The following AVEN variants were observed in gnomAD, a reference collection of about 807,000 sequenced individuals.
The protein encoded by AVEN is cell death regulator Aven.
In AVEN, 41 loss-of-function variants were observed where a neutral mutation model predicts 38.1. The ratio of observed to expected loss-of-function variants is 1.08; its 90% CI spans 0.84 to 1.40. AVEN has a LOEUF of 1.40. Ranked by LOEUF, AVEN falls within the 40% of genes most tolerant of loss-of-function variation. The pLI is 0.00. For missense variants in AVEN, 605 were observed against 438.8 expected (o/e 1.38, Z -3.38); for synonymous variants, 206 against 171.8 (o/e 1.20, Z -1.56).
intron 5 of AVEN, among the ~76,000 whole-genome samples, 187 bp downstream of exon 5, chr15:33,867,308 A>G (rs751418468): frequency 5.9e-5 from 9 of 152,010 alleles, no homozygotes; most frequent in Non-Finnish European, 1.3e-4. Flanking sequence ...GTGTCGCGTG[A>G]GAGGAAGGTT....
At chr15:34,030,788 TTTG>T (rs1299067842) in intron 1 of AVEN, among the ~76,000 whole-genome samples, 1 of 151,972 alleles carries the variant, frequency 6.6e-6, no homozygotes, top group African/African-American at 2.4e-5. Flanking sequence ...GGCTAAATTT[TTTG>T]TTGTTGTTGT....
chr15:34,005,332 T>C (rs1293100688), intron 1 of AVEN, among the ~76,000 whole-genome samples: 1 of 152,232 alleles, frequency 6.6e-6, no homozygotes, highest in African/African-American at 2.4e-5. Context: ...TGTTTATTCC[T>C]TAAGTCTCTT....
intron 1 of AVEN, among the ~76,000 whole-genome samples, chr15:34,013,848 C>T (rs1034999755): frequency 6.6e-6 from 1 of 152,044 alleles, no homozygotes; most frequent in Non-Finnish European, 1.5e-5. Context: ...GACCCATGAG[C>T]GAGAAACAGT....
chr15:33,934,521 C>T (rs532102716), intron 2 of AVEN, among the ~76,000 whole-genome samples: 60 of 152,242 alleles, frequency 3.9e-4, no homozygotes, highest in African/African-American at 1.4e-3. Flanking sequence ...TCTATCTCAC[C>T]TTGGACAGCT....
rs186802782 is a variant in AVEN, at chr15:34,058,373, G to C, written n.1637+4549C>G. ...GTTTTGGACTAAGCTCTTGAACTAG[G>C]CTCCAACAAACCAGAATAAAAATCA... On this transcript the variant is annotated intron_variant and non_coding_transcript_variant, in intron 5 of 11. Coordinates refer to the AVEN transcript ENST00000675287. 6.6e-5 allele frequency among the ~76,000 whole-genome samples: 10 copies of C among 152,020 alleles called. No individual in the cohort carries two copies. The East Asian group carries it at 1.7e-3, about 26-fold the overall frequency.
downstream of AVEN, chr15:33,857,688 C>G (rs1242797463): frequency 5.2e-6 from 8 of 1,524,546 alleles, no homozygotes; most frequent in East Asian, 2.3e-5. Flanking sequence ...CCCGTCCTCA[C>G]TCTTCCTCCT....
chr15:33,869,562 A>G (rs1375148688), intron 4 of AVEN, among the ~76,000 whole-genome samples: 1 of 152,062 alleles, frequency 6.6e-6, no homozygotes, highest in Non-Finnish European at 1.5e-5. Context: ...AACACCCCCA[A>G]ATGTTTCCAA....
At chr15:33,993,619 T>A (rs993446955) in intron 2 of AVEN, among the ~76,000 whole-genome samples, 1 of 152,112 alleles carries the variant, frequency 6.6e-6, no homozygotes, top group Admixed American at 6.5e-5. Flanking sequence ...AAATAAAAAA[T>A]TGATAATACA....
At chr15:33,853,543 C>A in the AVEN span, 2 of 1,612,760 alleles carry the variant, frequency 1.2e-6, no homozygotes, top group Non-Finnish European at 1.7e-6. Flanking sequence ...ACCCTGTCAT[C>A]CTTTGCTTCA....
At chr15:33,853,787 G>T, downstream of AVEN, 1 of 1,441,872 alleles carries the variant, frequency 6.9e-7, no homozygotes. Flanking sequence ...TCAGGCTGTG[G>T]TCTGGCTTAG....
intron 5 of AVEN, among the ~76,000 whole-genome samples, chr15:34,045,780 C>G (rs1899661273): frequency 6.6e-6 from 1 of 152,020 alleles, no homozygotes; most frequent in Admixed American, 6.5e-5. Flanking sequence ...GTCCACTCGA[C>G]AAGAAAAGGA....
downstream of AVEN, chr15:33,857,948 C>T (rs769154833): frequency 1.2e-6 from 2 of 1,610,304 alleles, no homozygotes; most frequent in East Asian, 2.2e-5. Context: ...CCAGCCCACC[C>T]ACTGCGGGGC....
chr15:33,899,938 T>TG (rs201849834), intron 2 of AVEN, among the ~76,000 whole-genome samples: 63 of 133,964 alleles, frequency 4.7e-4, no homozygotes, highest in African/African-American at 2.0e-3. Flanking sequence ...ACAGTTCAGT[T>TG]TTTTTTTTTT....
intron 2 of AVEN, among the ~76,000 whole-genome samples, chr15:33,911,676 A>G (rs1378604505): frequency 1.3e-5 from 2 of 152,326 alleles, no homozygotes; most frequent in East Asian, 1.9e-4. Flanking sequence ...TTAATAATAC[A>G]GAGCTCTAAA....
intron 5 of AVEN, among the ~76,000 whole-genome samples, chr15:34,044,447 G>A (rs1006494967): frequency 6.6e-6 from 1 of 152,188 alleles, no homozygotes; most frequent in African/African-American, 2.4e-5. Flanking sequence ...GGAATTTAAA[G>A]ATATATATAA....
At chr15:33,891,507 T>C (rs549092816) in intron 2 of AVEN, among the ~76,000 whole-genome samples, 29 of 152,254 alleles carry the variant, frequency 1.9e-4, no homozygotes, top group African/African-American at 6.0e-4. Context: ...TGTGATAGTC[T>C]GCTGAGAATG....
At chr15:33,927,713 G>A (rs1369637394) in intron 2 of AVEN, among the ~76,000 whole-genome samples, 1 of 152,172 alleles carries the variant, frequency 6.6e-6, no homozygotes. Flanking sequence ...TATTTTTGTA[G>A]AATGTGCAAA....
chr15:34,049,746 G>A (rs1159390901), intron 5 of AVEN, among the ~76,000 whole-genome samples: 1 of 151,884 alleles, frequency 6.6e-6, no homozygotes, highest in Non-Finnish European at 1.5e-5. Flanking sequence ...ATTCTCCAAC[G>A]TTGAAATGAA....
At chr15:34,017,531 G>A (rs1038787758) in intron 1 of AVEN, among the ~76,000 whole-genome samples, 4 of 141,262 alleles carry the variant, frequency 2.8e-5, no homozygotes, top group East Asian at 2.2e-4. Flanking sequence ...CATCCAGGCC[G>A]GAGTGCAGTA....
Sources: allele counts gnomAD v4.1 joint callset (sites outside exome capture counted in the v4.1 genomes callset), GRCh38; gene constraint gnomAD v4.1.1; transcripts MANE v1.5; gene names NCBI Gene and HGNC (gene_info 2026-07-23, HGNC 2026-07-21).